FAF1: variants seen among roughly 807,000 people sequenced by gnomAD.
FAF1 encodes Fas associated factor 1.
FAF1 carries 25 observed loss-of-function variants against 92.5 expected under a neutral mutation model. The observed-to-expected ratio is 0.27, with a 90% CI of 0.20 to 0.38. The LOEUF is 0.38. Among genes scored for constraint, FAF1 ranks in the 10% least tolerant of loss-of-function variants. The pLI is 1.00. For synonymous variants in FAF1, 234 were observed against 273.2 expected (o/e 0.86, Z 1.42); for missense variants, 636 against 793.3 (o/e 0.80, Z 2.38).
rs186233652 is a variant in FAF1 at position 50,696,055 on chromosome 1, A to G, written c.657+9731T>C. On this transcript the variant is annotated intron_variant, in intron 7 of 18. Coordinates refer to ENST00000396153, the MANE Select transcript of FAF1 (RefSeq NM_007051.3). ...CACATGGACAACTTGAAAACAATTC[A>G]AATTATATAAGTCAAATAGGAAATC... 1.5e-4 allele frequency among the ~76,000 whole-genome samples: 23 copies of G among 151,926 alleles called. No homozygotes were observed. The East Asian group carries it at 4.3e-3, about 28-fold the overall frequency.
intron 1 of FAF1, among the ~76,000 whole-genome samples, chr1:50,935,721 C>T (rs1645080663): frequency 1.3e-5 from 2 of 152,198 alleles, no homozygotes; most frequent in African/African-American, 4.8e-5. Flanking sequence ...ATCTTCCTGC[C>T]TCAGCCTCCC....
At chr1:50,885,509 TC>T (rs1382129967) in intron 1 of FAF1, among the ~76,000 whole-genome samples, 2 of 152,154 alleles carry the variant, frequency 1.3e-5, no homozygotes, top group Non-Finnish European at 2.9e-5. Context: ...TTATGCATGC[TC>T]TTTTTTGGTT....
intron 1 of FAF1, among the ~76,000 whole-genome samples, chr1:50,878,810 C>T (rs1417784894): frequency 6.6e-6 from 1 of 152,178 alleles, no homozygotes; most frequent in African/African-American, 2.4e-5. Context: ...GAAGTAGATA[C>T]CATTATGACC....
At chr1:50,670,476 A>G (rs1054577357) in intron 7 of FAF1, among the ~76,000 whole-genome samples, 2 of 152,198 alleles carry the variant, frequency 1.3e-5, no homozygotes, top group Non-Finnish European at 2.9e-5. Context: ...GAAAATATAG[A>G]GCAACATAAA....
intron 2 of FAF1, 125 bp downstream of exon 2, chr1:50,857,802 CTT>C (rs989526446): frequency 6.1e-6 from 3 of 488,888 alleles, no homozygotes; most frequent in African/African-American, 4.1e-5. Context: ...GGCATTTAGA[CTT>C]TATTAACTCA....
At chr1:50,574,898 CTTTTTTTTTTTT>C (rs891527014) in intron 12 of FAF1, among the ~76,000 whole-genome samples, 10 of 71,400 alleles carry the variant, frequency 1.4e-4, no homozygotes, top group South Asian at 5.5e-4. Flanking sequence ...TGTATTAACT[CTTTTTTTTTTTT>C]TTTTTTTTTT....
chr1:50,880,188 G>T (rs1644600532), intron 1 of FAF1, among the ~76,000 whole-genome samples: 1 of 152,014 alleles, frequency 6.6e-6, no homozygotes, highest in African/African-American at 2.4e-5. Flanking sequence ...CTTTCATGAA[G>T]AATTAAATTG....
chr1:50,641,784 G>C (rs913198372), intron 8 of FAF1, among the ~76,000 whole-genome samples: 1 of 152,122 alleles, frequency 6.6e-6, no homozygotes, highest in African/African-American at 2.4e-5. Flanking sequence ...CTCTACCTGT[G>C]TGTCAGCTTT....
chr1:50,939,369 C>T (rs751511274), intron 1 of FAF1, among the ~76,000 whole-genome samples: 18 of 152,128 alleles, frequency 1.2e-4, no homozygotes, highest in Non-Finnish European at 2.6e-4. Flanking sequence ...TAAGCCTGGG[C>T]GTTACTGGTG....
intron 3 of FAF1, among the ~76,000 whole-genome samples, chr1:50,794,157 G>A (rs533190398): frequency 6.6e-5 from 10 of 152,158 alleles, no homozygotes; most frequent in Non-Finnish European, 1.3e-4. Flanking sequence ...AAAATACAAG[G>A]GCTGCCACCT....
At chr1:50,500,595 C>A (rs1646972083) in intron 15 of FAF1, among the ~76,000 whole-genome samples, 1 of 151,932 alleles carries the variant, frequency 6.6e-6, no homozygotes, top group Admixed American at 6.6e-5. Flanking sequence ...AAAATAGTGA[C>A]CTTAGGTTAG....
At chr1:50,688,838 A>T (rs1656790386) in intron 7 of FAF1, among the ~76,000 whole-genome samples, 1 of 152,040 alleles carries the variant, frequency 6.6e-6, no homozygotes, top group African/African-American at 2.4e-5. Flanking sequence ...AAAAATAAAA[A>T]ATAAAATAAA....
chr1:50,799,464 T>G (rs999393282), intron 3 of FAF1, among the ~76,000 whole-genome samples: 1 of 152,096 alleles, frequency 6.6e-6, no homozygotes, highest in African/African-American at 2.4e-5. Flanking sequence ...AAACCTGATT[T>G]CAAGAAAAGC....
chr1:50,776,380 T>C (rs1332340682), intron 4 of FAF1, among the ~76,000 whole-genome samples: 7 of 152,200 alleles, frequency 4.6e-5, no homozygotes, highest in African/African-American at 7.2e-5. Context: ...TTCTGGATTA[T>C]AGTTTTACCT....
chr1:50,450,305 C>T (rs1352028292), intron 18 of FAF1, among the ~76,000 whole-genome samples: 1 of 151,914 alleles, frequency 6.6e-6, no homozygotes, highest in Non-Finnish European at 1.5e-5. Flanking sequence ...GAGATAAGTA[C>T]TCCTATTATT....
intron 1 of FAF1, among the ~76,000 whole-genome samples, chr1:50,892,464 T>C (rs1644727890): frequency 6.6e-6 from 1 of 152,178 alleles, no homozygotes; most frequent in Non-Finnish European, 1.5e-5. Context: ...CTAGAGCTGT[T>C]CCTATTTGGC....
At chr1:50,877,886 T>C (rs1434504212) in intron 1 of FAF1, among the ~76,000 whole-genome samples, 1 of 152,158 alleles carries the variant, frequency 6.6e-6, no homozygotes, top group Non-Finnish European at 1.5e-5. Flanking sequence ...GCTGCAAGAA[T>C]TATTTTCCAC....
At chr1:50,497,448 T>A (rs563012662) in intron 15 of FAF1, among the ~76,000 whole-genome samples, 43 of 149,876 alleles carry the variant, frequency 2.9e-4, no homozygotes, top group African/African-American at 1.0e-3. Flanking sequence ...AAGGATACCA[T>A]AAAGGAATGG....
At chr1:50,754,537 T>G (rs908026358) in intron 4 of FAF1, among the ~76,000 whole-genome samples, 5 of 152,224 alleles carry the variant, frequency 3.3e-5, no homozygotes, top group African/African-American at 7.2e-5. Context: ...CCATACTGGC[T>G]GGAAATGAAA....
Sources: gnomAD v4.1 joint callset for allele counts (sites outside exome capture counted in the v4.1 genomes callset) on GRCh38, gnomAD v4.1.1 for gene constraint, MANE v1.5 for transcripts, NCBI Gene and HGNC (gene_info 2026-07-23, HGNC 2026-07-21) for gene names.